PDE8A: variants seen among roughly 807,000 people sequenced by gnomAD.
The protein encoded by PDE8A is phosphodiesterase 8A, also known as high affinity cAMP-specific and IBMX-insensitive 3',5'-cyclic phosphodiesterase 8A.
PDE8A carries 59 observed loss-of-function variants against 105.0 expected under a neutral mutation model. The ratio of observed to expected loss-of-function variants is 0.56; its 90% CI spans 0.46 to 0.70. The LOEUF (loss-of-function observed/expected upper bound fraction) is 0.70. PDE8A is among the 30% of genes least tolerant of loss of function. The pLI is 0.00. For missense variants in PDE8A, 1,014 were observed against 1,045.9 expected (o/e 0.97, Z 0.42); for synonymous variants, 355 against 371.9 (o/e 0.95, Z 0.52).
At chr15:85,078,980 T>A (rs146191157) in intron 5 of PDE8A, among the ~76,000 whole-genome samples, 1 of 152,142 alleles carries the variant, frequency 6.6e-6, no homozygotes, top group Non-Finnish European at 1.5e-5. Flanking sequence ...AAAAGGACTC[T>A]AACCATATAA....
intron 1 of PDE8A, among the ~76,000 whole-genome samples, chr15:85,055,358 A>G (rs2081043631): frequency 6.6e-6 from 1 of 152,010 alleles, no homozygotes; most frequent in Non-Finnish European, 1.5e-5. Flanking sequence ...CAATTCCTGG[A>G]TATCCTTGTT....
chr15:85,129,825 C>T (rs988791677), intron 20 of PDE8A, among the ~76,000 whole-genome samples: 3 of 152,040 alleles, frequency 2.0e-5, no homozygotes, highest in Non-Finnish European at 2.9e-5. Context: ...TTAATTTCCC[C>T]CTTATCACTG....
chr15:85,056,396 CAG>C (rs1333796063), intron 1 of PDE8A, among the ~76,000 whole-genome samples: 1 of 152,206 alleles, frequency 6.6e-6, no homozygotes, highest in Non-Finnish European at 1.5e-5. Flanking sequence ...TAATATCCTG[CAG>C]AGTGTTTTCC....
intron 1 of PDE8A, among the ~76,000 whole-genome samples, chr15:85,049,192 A>G (rs117032857): frequency 2.2e-3 from 328 of 152,370 alleles, no homozygotes; most frequent in Non-Finnish European, 4.0e-3. Flanking sequence ...TAAAATACAC[A>G]TAACGTAAAA....
intron 17 of PDE8A, chr15:85,120,101 G>T (rs1205494338): frequency 1.3e-5 from 2 of 149,852 alleles, no homozygotes; most frequent in East Asian, 3.9e-4. Context: ...TAGTTTTAAT[G>T]GAATGTTTTA....
At chr15:85,119,162 G>T (rs767255510) in intron 17 of PDE8A, among the ~76,000 whole-genome samples, 10 of 152,002 alleles carry the variant, frequency 6.6e-5, no homozygotes, top group Non-Finnish European at 1.3e-4. Context: ...TATATTTAGA[G>T]AGCTAACTGA....
chr15:85,002,712 T>C (rs553367826), intron 1 of PDE8A, among the ~76,000 whole-genome samples: 44 of 152,336 alleles, frequency 2.9e-4, no homozygotes, highest in Middle Eastern at 6.8e-3. Context: ...CCTTTAATCC[T>C]GTGGTTGCTT....
At chr15:85,123,231 G>A (rs989696638) in intron 19 of PDE8A, 38 bp downstream of exon 19, 4 of 1,608,338 alleles carry the variant, frequency 2.5e-6, no homozygotes, top group Admixed American at 1.7e-5. Flanking sequence ...CTGTGTTTGG[G>A]GTCCTTGTAC....
chr15:85,084,383 C>G (rs556954912), intron 6 of PDE8A, among the ~76,000 whole-genome samples: 1 of 151,976 alleles, frequency 6.6e-6, no homozygotes, highest in African/African-American at 2.4e-5. Flanking sequence ...GAATGATTAG[C>G]GGGCAGAGTG....
intron 1 of PDE8A, among the ~76,000 whole-genome samples, chr15:84,999,551 T>TTTTTTG (rs1555464059): frequency 2.0e-5 from 3 of 150,830 alleles, no homozygotes; most frequent in African/African-American, 7.3e-5. Context: ...GCCTCCCTTT[T>TTTTTTG]TTGTTGTTGT....
chr15:85,123,242 T>C (rs759591248), intron 19 of PDE8A, 49 bp downstream of exon 19: 2 of 1,588,218 alleles, frequency 1.3e-6, no homozygotes, highest in Non-Finnish European at 1.7e-6. Context: ...GTCCTTGTAC[T>C]GTTGTGTTAT....
At chr15:85,009,639 T>A (rs1218222670) in intron 1 of PDE8A, among the ~76,000 whole-genome samples, 1 of 152,230 alleles carries the variant, frequency 6.6e-6, no homozygotes, top group Non-Finnish European at 1.5e-5. Context: ...TTGTCTGTTA[T>A]GACAAAAACT....
intron 1 of PDE8A, among the ~76,000 whole-genome samples, chr15:85,022,756 T>A (rs1344819689): frequency 6.6e-6 from 1 of 152,028 alleles, no homozygotes; most frequent in Non-Finnish European, 1.5e-5. Flanking sequence ...TTTCACCATG[T>A]TGGCCAGGCT....
intron 1 of PDE8A, among the ~76,000 whole-genome samples, chr15:85,058,674 C>T (rs2081100016): frequency 6.6e-6 from 1 of 152,056 alleles, no homozygotes; most frequent in South Asian, 2.1e-4. Flanking sequence ...TCCAGATTAT[C>T]CAATTTGTTG....
At chr15:85,072,001 G>A (rs554211628) in intron 3 of PDE8A, among the ~76,000 whole-genome samples, 7 of 152,162 alleles carry the variant, frequency 4.6e-5, no homozygotes, top group African/African-American at 1.7e-4. Flanking sequence ...TCTCATAAAG[G>A]GATATAGAGG....
chr15:84,983,505 T>G (rs1204611571), intron 1 of PDE8A, among the ~76,000 whole-genome samples: 1 of 152,250 alleles, frequency 6.6e-6, no homozygotes, highest in Non-Finnish European at 1.5e-5. Context: ...CAGTGTTGCA[T>G]AACAGTTGAT....
At chr15:84,991,509 G>A (rs1480857158) in intron 1 of PDE8A, among the ~76,000 whole-genome samples, 1 of 152,206 alleles carries the variant, frequency 6.6e-6, no homozygotes, top group African/African-American at 2.4e-5. Flanking sequence ...AAGTAGAGGT[G>A]TAAATTAGTT....
At chr15:85,103,977 T>C (rs996407930) in intron 11 of PDE8A, among the ~76,000 whole-genome samples, 2 of 152,208 alleles carry the variant, frequency 1.3e-5, no homozygotes, top group African/African-American at 4.8e-5. Context: ...GAGGACTTAG[T>C]ACTCCCAGAC....
At chr15:84,980,680 C>G (rs528059728), upstream of PDE8A, 1 of 152,534 alleles carries the variant, frequency 6.6e-6, no homozygotes, top group East Asian at 1.9e-4. Flanking sequence ...CCCCAGCCAC[C>G]AAGAAGTTAA....
Sources: allele counts gnomAD v4.1 joint callset (sites outside exome capture counted in the v4.1 genomes callset), GRCh38; gene constraint gnomAD v4.1.1; transcripts MANE v1.5; gene names NCBI Gene and HGNC (gene_info 2026-07-23, HGNC 2026-07-21).